The following PRDM15 variants were observed in gnomAD, a reference collection of about 807,000 sequenced individuals.
The protein encoded by PRDM15 is PR/SET domain 15.
A neutral mutation model predicts 128.6 loss-of-function variants in PRDM15; 64 were observed. That is an observed-to-expected ratio of 0.50 (90% CI 0.41 to 0.61). The LOEUF (loss-of-function observed/expected upper bound fraction) is 0.61, where lower values mean the gene tolerates loss of function less well. Ranked by LOEUF, PRDM15 falls within the 20% of genes least tolerant of loss-of-function variation. The probability of loss-of-function intolerance (pLI) is 0.00; values close to 1 mark genes in which losing one functional copy is unlikely to be tolerated. For missense variants in PRDM15, 1,242 were observed against 1,569.1 expected (o/e 0.79, Z 3.52); for synonymous variants, 615 against 621.8 (o/e 0.99, Z 0.16).
At position 41,806,006 on chromosome 21, in the gene PRDM15, TCAC is replaced by T. The variant is rs758891399; in HGVS notation, c.2653-1395_2653-1393del. Among the ~76,000 whole-genome samples, 385 of 42,220 alleles carry T rather than the reference TCAC, an allele frequency of 9.1e-3. 4 individuals are homozygous for T. Among genetic ancestry groups the T allele is most frequent in the East Asian group, 0.013 (14 of 1,092 alleles). The allele number at this position is 42,220 out of a possible 152,430, so 27.7% of individuals were successfully genotyped here. A position where few individuals can be genotyped will look rare whatever the true frequency, so the allele number is the denominator to read the frequency against. On this transcript the variant is annotated intron_variant, in intron 21 of 23. Coordinates refer to ENST00000398548, the MANE Select transcript of PRDM15 (RefSeq NM_001040424.3). ...ACCACTATCACCACCACCACCACCA[TCAC>T]CACCACCATCACCACCACCACCATC...
Position 41,836,098 on chromosome 21 carries a change from C to T in PRDM15, c.1278+15G>A, listed in dbSNP as rs750551937. 4 of 1,597,960 alleles carry T rather than the reference C, an allele frequency of 2.5e-6. No homozygotes were observed. In the African/African-American group the frequency reaches 4.0e-5, roughly 16 times the overall value. ...ACACAACTGGGAAGAGAACCCTGGG[C>T]TTGTTTCCACCCACCTCGTTCCTGC... On this transcript the variant is annotated intron_variant, in intron 10 of 23. Coordinates refer to ENST00000398548, the MANE Select transcript of PRDM15 (RefSeq NM_001040424.3).
chr21:41,820,912 C>T (rs927867096), intron 16 of PRDM15, among the ~76,000 whole-genome samples, 155 bp downstream of exon 16: 12 of 152,204 alleles, frequency 7.9e-5, no homozygotes, highest in African/African-American at 2.7e-4. Flanking sequence ...GCCCAGCTGC[C>T]CCCGAGCCCT....
chr21:41,865,908 C>T (rs1363446035), intron 1 of PRDM15, among the ~76,000 whole-genome samples: 2 of 152,232 alleles, frequency 1.3e-5, no homozygotes, highest in African/African-American at 4.8e-5. Flanking sequence ...CCATGCCCAG[C>T]TAATTTTTTA....
Position 41,821,337 on chromosome 21 carries a change from G to A in PRDM15, c.1897-107C>T. ...CCAGGGCACCCGACACGCCCTGAGA[G>A]CCCATGACTCATGCCAGGGTGGAAG... On this transcript the variant is annotated intron_variant, in intron 15 of 23. Coordinates refer to ENST00000398548, the MANE Select transcript of PRDM15 (RefSeq NM_001040424.3). This position sits in a 1 kb window ranked among gnomAD's most constrained non-coding sequence, Gnocchi z 5.4. 7.6e-7 allele frequency: 1 copy of A among 1,307,506 alleles called. No homozygotes were observed. The highest frequency in any genetic ancestry group is 1.1e-6 in the Non-Finnish European group (1 of 938,270). The allele number at this position is 1,307,506 out of a possible 1,614,324, so 81.0% of individuals were successfully genotyped here. A position where few individuals can be genotyped will look rare whatever the true frequency, so the allele number is the denominator to read the frequency against.
rs369183684 is a variant in PRDM15, at chr21:41,835,210, G to A, written c.1366+227C>T. Among the ~76,000 whole-genome samples the A allele has an allele frequency of 1.6e-4, 24 of 152,196 alleles. No individual in the cohort carries two copies. In the East Asian group the frequency reaches 1.9e-3, roughly 12 times the overall value. On this transcript the variant is annotated intron_variant, in intron 11 of 23. Coordinates refer to ENST00000398548, the MANE Select transcript of PRDM15 (RefSeq NM_001040424.3). ...GTGTGGGGCCATACGCAGCTCGGCT[G>A]ACAAATGCAGGAAGAAAATCAATCC...
At chr21:41,836,292 G>T in intron 9 of PRDM15, 85 bp from the exon 10 acceptor site, 3 of 1,364,484 alleles carry the variant, frequency 2.2e-6, no homozygotes, top group Non-Finnish European at 2.1e-6. Flanking sequence ...TGCCCCACAA[G>T]CCGCCTCGCT....
At chr21:41,835,651 C>T (rs985561363) in intron 10 of PRDM15, 127 bp from the exon 11 acceptor site, 14 of 692,314 alleles carry the variant, frequency 2.0e-5, no homozygotes, top group African/African-American at 1.7e-4. Context: ...ACCACCCTCC[C>T]GCTCTATTTA....
intron 1 of PRDM15, among the ~76,000 whole-genome samples, chr21:41,861,289 A>C (rs1212328511): frequency 3.9e-5 from 6 of 152,326 alleles, no homozygotes; most frequent in African/African-American, 9.6e-5. Context: ...TATCAGATCC[A>C]ATAATTCTAT....
In PRDM15 at chr21:41,798,263, TA is replaced by T. The variant is rs2061344401; in HGVS notation, c.*2976del. The T allele has an allele frequency of 6.6e-6, 1 of 152,154 alleles. No homozygotes were observed. Among genetic ancestry groups the T allele is most frequent in the African/African-American group, 2.4e-5 (1 of 41,438 alleles). 9.4% of individuals were successfully genotyped at this position (152,154 alleles called of 1,614,324 possible). A position where few individuals can be genotyped will look rare whatever the true frequency, so the allele number is the denominator to read the frequency against. ...TCACAGCACCTTTTATTCGTCATCA[TA>T]CAACCTGATGTGACAGGAAATACAG... is the stretch of plus-strand genomic sequence containing the variant. On this transcript the variant is annotated 3_prime_UTR_variant, in exon 24 of 24. Transcript: ENST00000398548.
intron 13 of PRDM15, 107 bp downstream of exon 13, chr21:41,825,853 C>A: frequency 2.3e-6 from 2 of 863,584 alleles, no homozygotes; most frequent in South Asian, 1.6e-5. Flanking sequence ...CCATCGTTAC[C>A]CCCCAAATCT....
intron 1 of PRDM15, among the ~76,000 whole-genome samples, chr21:41,876,567 C>T (rs1464854097): frequency 6.6e-6 from 1 of 152,222 alleles, no homozygotes; most frequent in East Asian, 1.9e-4. Flanking sequence ...TCTGCTGGGA[C>T]CCCGCAGTTT....
intron 3 of PRDM15, chr21:41,858,901 C>T (rs376352861): frequency 8.0e-5 from 52 of 653,962 alleles, no homozygotes; most frequent in East Asian, 3.4e-4. Flanking sequence ...TCTGGAAAGA[C>T]GGCGGCCACC....
intron 1 of PRDM15, among the ~76,000 whole-genome samples, chr21:41,878,331 G>A (rs1334977783): frequency 6.6e-6 from 1 of 152,216 alleles, no homozygotes; most frequent in Non-Finnish European, 1.5e-5. Context: ...TTGGGGGTGA[G>A]GGGCAATTTC....
At chr21:41,856,467 GT>G (rs2063638633) in intron 4 of PRDM15, among the ~76,000 whole-genome samples, 1 of 151,604 alleles carries the variant, frequency 6.6e-6, no homozygotes, top group South Asian at 2.1e-4. Flanking sequence ...TCTAAGAAAA[GT>G]TTGCTGACTA....
chr21:41,872,273 T>G (rs1345654700), intron 1 of PRDM15, among the ~76,000 whole-genome samples: 2 of 152,148 alleles, frequency 1.3e-5, no homozygotes, highest in African/African-American at 2.4e-5. Context: ...TTCTCTGAGA[T>G]CCCTCATTTC....
chr21:41,831,149 A>G (rs895341773), intron 11 of PRDM15, among the ~76,000 whole-genome samples: 1 of 152,214 alleles, frequency 6.6e-6, no homozygotes, highest in Non-Finnish European at 1.5e-5. Context: ...TTTGCCAAAT[A>G]TACAAATCCC....
intron 6 of PRDM15, among the ~76,000 whole-genome samples, chr21:41,846,835 C>A (rs979339013): frequency 6.6e-6 from 1 of 152,196 alleles, no homozygotes; most frequent in Non-Finnish European, 1.5e-5. Flanking sequence ...AGAGTCAAGG[C>A]GCCCAGCTGA....
chr21:41,846,009 T>C (rs1317835164), intron 6 of PRDM15, among the ~76,000 whole-genome samples: 2 of 151,896 alleles, frequency 1.3e-5, no homozygotes, highest in Non-Finnish European at 2.9e-5. Flanking sequence ...ACAAAATACT[T>C]CTCACCAAGC....
Position 41,810,976 on chromosome 21 carries a change from A to C in PRDM15, c.2393-140T>G. On this transcript the variant is annotated intron_variant, in intron 19 of 23. Transcript: ENST00000398548. This position sits in a 1 kb window ranked among gnomAD's most constrained non-coding sequence, Gnocchi z 6.4. ...AATTGCAAGAAGACAGCAGACAATG[A>C]ACGCTCATCCCCAGCCTCGGCCAGC... The C allele has an allele frequency of 1.4e-6, 1 of 703,916 alleles. No individual in the cohort carries two copies. The highest frequency in any genetic ancestry group is 2.5e-6 in the Non-Finnish European group (1 of 403,240). 43.6% of individuals were successfully genotyped at this position (703,916 alleles called of 1,614,324 possible). A position where few individuals can be genotyped will look rare whatever the true frequency, so the allele number is the denominator to read the frequency against.
Sources: allele counts gnomAD v4.1 joint callset (sites outside exome capture counted in the v4.1 genomes callset), GRCh38; gene constraint gnomAD v4.1.1; non-coding constraint Gnocchi (gnomAD v3.1); transcripts MANE v1.5; gene names NCBI Gene and HGNC (gene_info 2026-07-23, HGNC 2026-07-21).